The following BMP2K variants were observed in gnomAD, a reference collection of about 807,000 sequenced individuals.
BMP2K encodes the protein BMP-2-inducible protein kinase.
A neutral mutation model predicts 116.0 loss-of-function variants in BMP2K; 74 were observed. The observed-to-expected ratio is 0.64, with a 90% CI of 0.53 to 0.77. The LOEUF (loss-of-function observed/expected upper bound fraction) is 0.77, where lower values mean the gene tolerates loss of function less well. Ranked by LOEUF, BMP2K falls within the 30% of genes least tolerant of loss-of-function variation. The pLI, the probability that BMP2K is intolerant of heterozygous loss-of-function variation, is 0.00. For missense variants in BMP2K, 1,365 were observed against 1,403.6 expected (o/e 0.97, Z 0.44); for synonymous variants, 486 against 502.5 (o/e 0.97, Z 0.44).
rs190288921 is a variant in BMP2K at position 78,797,433 on chromosome 4, C to A, written c.178+20712C>A. 2.6e-3 allele frequency among the ~76,000 whole-genome samples: 394 copies of A among 152,234 alleles called. 1 individual carries two copies. The highest frequency in any genetic ancestry group is 4.4e-3 in the Non-Finnish European group (302 of 68,010). On this transcript the variant is annotated intron_variant, in intron 1 of 15. Coordinates refer to ENST00000502613, the MANE Select transcript of BMP2K (RefSeq NM_198892.2). Reference sequence around the variant, plus strand: ...AGATTCTTAAATTTCATCTAGGGTCCTTTATTGAACAGATTCCTTGACTTG... The same window carrying A: ...AGATTCTTAAATTTCATCTAGGGTCATTTATTGAACAGATTCCTTGACTTG...
At chr4:78,847,343 T>C in intron 6 of BMP2K, 74 bp downstream of exon 6, 2 of 1,122,846 alleles carry the variant, frequency 1.8e-6, no homozygotes, top group East Asian at 2.7e-5. Context: ...TTTTTTACTC[T>C]GCTCCCCAAA....
At chr4:78,831,539 G>A (rs1031560684) in intron 2 of BMP2K, among the ~76,000 whole-genome samples, 2 of 152,170 alleles carry the variant, frequency 1.3e-5, no homozygotes, top group African/African-American at 4.8e-5. Flanking sequence ...CCTACTGTCT[G>A]AATTCTGTGT....
chr4:78,852,862 C>G (rs775600633), intron 7 of BMP2K, among the ~76,000 whole-genome samples: 1 of 152,136 alleles, frequency 6.6e-6, no homozygotes, highest in Non-Finnish European at 1.5e-5. Flanking sequence ...CCACAGTCTC[C>G]CAAAGTGTTG....
chr4:78,881,210 C>T (rs535351459), intron 14 of BMP2K, among the ~76,000 whole-genome samples: 1 of 152,150 alleles, frequency 6.6e-6, no homozygotes, highest in Non-Finnish European at 1.5e-5. Context: ...GCCACTTTCT[C>T]TTTTCTCACT....
At chr4:78,786,448 TGTG>T (rs1727736573) in intron 1 of BMP2K, among the ~76,000 whole-genome samples, 1 of 150,142 alleles carries the variant, frequency 6.7e-6, no homozygotes, top group Non-Finnish European at 1.5e-5. Context: ...TGTGTGTGTG[TGTG>T]TTTTGAGACA....
rs371586687 is a variant in BMP2K at position 78,805,513 on chromosome 4, GTTTA to G, written c.179-20519_179-20516del. Reference sequence around the variant, plus strand: ...TTCAGTCTATGAGTGAGGAATGTCTGTTTATTTAATAGGTCCTTAATTTCTTTCA... The same window carrying G: ...TTCAGTCTATGAGTGAGGAATGTCTGTTTAATAGGTCCTTAATTTCTTTCA... On this transcript the variant is annotated intron_variant, in intron 1 of 15. Coordinates refer to ENST00000502613, the MANE Select transcript of BMP2K (RefSeq NM_198892.2). Among the ~76,000 whole-genome samples, 209 of 152,208 alleles carry G rather than the reference GTTTA, an allele frequency of 1.4e-3. 2 individuals are homozygous for G. Among genetic ancestry groups the G allele is most frequent in the African/African-American group, 4.9e-3 (202 of 41,522 alleles).
At chr4:78,788,862 G>T (rs921515813) in intron 1 of BMP2K, among the ~76,000 whole-genome samples, 2 of 146,244 alleles carry the variant, frequency 1.4e-5, no homozygotes, top group East Asian at 2.0e-4. Context: ...CAGATTCAAG[G>T]TTCAGATTTG....
chr4:78,819,784 A>T (rs965714334), intron 1 of BMP2K, among the ~76,000 whole-genome samples: 7 of 152,210 alleles, frequency 4.6e-5, no homozygotes, highest in African/African-American at 1.7e-4. Context: ...TTCAATAAAT[A>T]ATATTGTATG....
At chr4:78,789,976 T>C (rs1268615215) in intron 1 of BMP2K, among the ~76,000 whole-genome samples, 1 of 152,232 alleles carries the variant, frequency 6.6e-6, no homozygotes, top group Non-Finnish European at 1.5e-5. Flanking sequence ...GCATTTTACC[T>C]GATAAATTTA....
intron 12 of BMP2K, 124 bp downstream of exon 12, chr4:78,872,072 A>G (rs1319571344): frequency 1.4e-6 from 1 of 724,384 alleles, no homozygotes; most frequent in Non-Finnish European, 2.2e-6. Flanking sequence ...CATGTATTTT[A>G]TCAAAGCCAG....
At chr4:78,862,445 G>C (rs1243430715) in intron 9 of BMP2K, among the ~76,000 whole-genome samples, 26 of 152,056 alleles carry the variant, frequency 1.7e-4, no homozygotes, top group Admixed American at 1.7e-3. Context: ...ACTTGGAAGG[G>C]TGTGGAGTGA....
At chr4:78,799,022 G>A (rs1728437538) in intron 1 of BMP2K, among the ~76,000 whole-genome samples, 1 of 152,078 alleles carries the variant, frequency 6.6e-6, no homozygotes, top group Non-Finnish European at 1.5e-5. Flanking sequence ...ACTTCTAATT[G>A]TCTAGAGAAC....
At chr4:78,868,672 C>T (rs539206482) in intron 10 of BMP2K, among the ~76,000 whole-genome samples, 1 of 152,120 alleles carries the variant, frequency 6.6e-6, no homozygotes, top group African/African-American at 2.4e-5. Flanking sequence ...TGGGTAGATA[C>T]AGCCGTTCCA....
At chr4:78,857,120 C>G (rs2110040745) in intron 7 of BMP2K, among the ~76,000 whole-genome samples, 1 of 152,216 alleles carries the variant, frequency 6.6e-6, no homozygotes, top group Admixed American at 6.5e-5. Context: ...ACAGAATACA[C>G]ACATGTAAAC....
intron 1 of BMP2K, among the ~76,000 whole-genome samples, chr4:78,795,028 T>A (rs1421495853): frequency 6.6e-6 from 1 of 152,206 alleles, no homozygotes; most frequent in African/African-American, 2.4e-5. Context: ...TGTAATCAGT[T>A]CTCATCAAAA....
chr4:78,816,496 T>C (rs185645766), intron 1 of BMP2K, among the ~76,000 whole-genome samples: 163 of 152,302 alleles, frequency 1.1e-3, no homozygotes, highest in Non-Finnish European at 2.0e-3. Context: ...TGTCTTGTCA[T>C]TTTTGGGAAT....
rs1278924434 is a variant in BMP2K at position 78,826,095 on chromosome 4, G to A, written c.237G>A (p.Lys79=). 1.9e-6 allele frequency: 3 copies of A among 1,614,190 alleles called. No homozygotes were observed. The highest frequency in any genetic ancestry group is 2.5e-6 in the Non-Finnish European group (3 of 1,180,014). ...RTHGGIRCAL[K]RMYVNNMPDL... ...ACGGTGGAATCCGATGTGCATTGAA[G>A]CGAATGTATGTCAATAACATGCCAG... The change falls in exon 2 of 16, where the codon AAG becomes AAA. Residue 79 remains lysine (K), a synonymous_variant. Coordinates refer to ENST00000502613, the MANE Select transcript of BMP2K (RefSeq NM_198892.2).
chr4:78,825,958 A>G (rs149904584), intron 1 of BMP2K, 79 bp from the exon 2 acceptor site: 31 of 1,081,362 alleles, frequency 2.9e-5, no homozygotes, highest in Non-Finnish European at 3.4e-5. Context: ...TTTTCCTCCA[A>G]TATGCTCTAT....
intron 13 of BMP2K, among the ~76,000 whole-genome samples, chr4:78,877,469 C>G (rs1327047638): frequency 2.0e-5 from 3 of 152,074 alleles, no homozygotes; most frequent in African/African-American, 7.2e-5. Flanking sequence ...CGGGCCTACA[C>G]AAGATGTGGA....
Sources: allele counts gnomAD v4.1 joint callset (sites outside exome capture counted in the v4.1 genomes callset), GRCh38; gene constraint gnomAD v4.1.1; transcripts MANE v1.5; gene names NCBI Gene and HGNC (gene_info 2026-07-23, HGNC 2026-07-21).